Variants in GRIK2 observed in about 807,000 individuals in gnomAD.
GRIK2 encodes glutamate receptor ionotropic, kainate 2.
Under a neutral mutation model 100.3 loss-of-function variants are expected in GRIK2, and 32 were observed. That is an observed-to-expected ratio of 0.32 (90% confidence interval 0.24 to 0.43). The LOEUF is 0.43. Ranked by LOEUF, GRIK2 falls within the 20% of genes least tolerant of loss-of-function variation. The pLI is 1.00. For synonymous variants in GRIK2, 417 were observed against 389.4 expected, an observed-to-expected ratio of 1.07 and a Z score of -0.83; for missense variants, 843 against 1,114.9, an observed-to-expected ratio of 0.76 and a Z score of 3.47.
At chr6:101,522,540 G>T (rs914301578) in intron 2 of GRIK2, among the ~76,000 whole-genome samples, 2 of 152,014 alleles carry the variant, frequency 1.3e-5, no homozygotes, top group African/African-American at 4.8e-5. Context: ...TAGCTGCACA[G>T]AGAAAGACAG....
intron 9 of GRIK2, among the ~76,000 whole-genome samples, chr6:101,807,553 G>A (rs1390731871): frequency 2.6e-5 from 4 of 152,070 alleles, no homozygotes; most frequent in Admixed American, 2.6e-4. Flanking sequence ...AAGCAGGGGA[G>A]TGGAAAAGTT....
chr6:101,611,958 T>C (rs1779696239), intron 2 of GRIK2, among the ~76,000 whole-genome samples: 1 of 151,884 alleles, frequency 6.6e-6, no homozygotes, highest in African/African-American at 2.4e-5. Flanking sequence ...TTAGAATTTG[T>C]TCAAAGAAAC....
At chr6:101,960,582 C>A (rs961100704) in intron 14 of GRIK2, among the ~76,000 whole-genome samples, 1 of 151,884 alleles carries the variant, frequency 6.6e-6, no homozygotes, top group African/African-American at 2.4e-5. Flanking sequence ...CTTTCAGGGG[C>A]CAAGCCTCTG....
intron 14 of GRIK2, among the ~76,000 whole-genome samples, chr6:101,991,572 G>A (rs1297305492): frequency 6.6e-6 from 1 of 150,828 alleles, no homozygotes; most frequent in African/African-American, 2.4e-5. Flanking sequence ...ATGTACCAAT[G>A]GAAAATTCTT....
chr6:101,734,542 G>A (rs1340387315), intron 7 of GRIK2, among the ~76,000 whole-genome samples: 1 of 152,110 alleles, frequency 6.6e-6, no homozygotes. Context: ...CATACCCACA[G>A]ACACACCAAG....
intron 7 of GRIK2, among the ~76,000 whole-genome samples, chr6:101,712,686 T>C (rs1456909899): frequency 6.6e-6 from 1 of 151,834 alleles, no homozygotes; most frequent in Non-Finnish European, 1.5e-5. Context: ...GCTGAATTTC[T>C]ACTTTTATCA....
At chr6:101,548,340 C>T (rs911955639) in intron 2 of GRIK2, among the ~76,000 whole-genome samples, 1 of 152,160 alleles carries the variant, frequency 6.6e-6, no homozygotes. Context: ...TCCCATTTGT[C>T]AATTTTGGCT....
At chr6:101,556,119 C>A (rs1776723552) in intron 2 of GRIK2, among the ~76,000 whole-genome samples, 1 of 151,588 alleles carries the variant, frequency 6.6e-6, no homozygotes, top group Admixed American at 6.6e-5. Flanking sequence ...TTGCAAATAT[C>A]TTTATATCTC....
chr6:101,937,361 G>T (rs1452122838), intron 14 of GRIK2, among the ~76,000 whole-genome samples: 1 of 152,076 alleles, frequency 6.6e-6, no homozygotes, highest in East Asian at 1.9e-4. Context: ...TAGGAGAGAG[G>T]GCCCCACAGG....
intron 5 of GRIK2, among the ~76,000 whole-genome samples, chr6:101,681,517 G>A (rs1206942911): frequency 2.0e-5 from 3 of 150,642 alleles, no homozygotes; most frequent in African/African-American, 4.9e-5. Flanking sequence ...TTACAGGTGT[G>A]AGACACTGCA....
chr6:101,957,183 C>A (rs1562510319), intron 14 of GRIK2, among the ~76,000 whole-genome samples: 2 of 151,810 alleles, frequency 1.3e-5, no homozygotes, highest in East Asian at 3.9e-4. Flanking sequence ...TTAATAATAG[C>A]CATTCTGTCT....
chr6:101,883,289 A>AAATAATAATAATAATAAT (rs143808702), intron 11 of GRIK2, among the ~76,000 whole-genome samples: 25 of 144,302 alleles, frequency 1.7e-4, no homozygotes, highest in African/African-American at 5.1e-4. Flanking sequence ...TCTCTTTGGC[A>AAATAATAATAATAATAAT]AATAATAATA....
At chr6:101,581,920 C>T (rs1778117619) in intron 2 of GRIK2, among the ~76,000 whole-genome samples, 5 of 152,000 alleles carry the variant, frequency 3.3e-5, no homozygotes, top group Admixed American at 3.3e-4. Flanking sequence ...TGCCTCACAA[C>T]CCAAATCTCA....
intron 7 of GRIK2, among the ~76,000 whole-genome samples, chr6:101,762,357 A>AT (rs1026344915): frequency 7.7e-4 from 116 of 151,358 alleles, no homozygotes; most frequent in African/African-American, 2.6e-3. Flanking sequence ...TTATTTTATT[A>AT]TTTTTTTTAA....
At chr6:101,892,935 A>T (rs1433643728) in intron 12 of GRIK2, among the ~76,000 whole-genome samples, 1 of 148,366 alleles carries the variant, frequency 6.7e-6, no homozygotes, top group Non-Finnish European at 1.5e-5. Flanking sequence ...TAAATTCTGA[A>T]CATCCAAAAA....
In GRIK2 at chr6:101,845,002, T is replaced by TTTGTTGTTGTTG. The variant is rs141350986; in HGVS notation, c.1318-14268_1318-14257dup. Among the ~76,000 whole-genome samples, 4 of 150,880 alleles carry TTTGTTGTTGTTG rather than the reference T, an allele frequency of 2.7e-5. No homozygotes were observed. In the South Asian group the frequency reaches 6.3e-4, roughly 24 times the overall value. ...TCATTTATTCTGCGTTCATTGTTTG[T>TTTGTTGTTGTTG]TTGTTGTTGTTGTTGTTGTTGTTGT... On this transcript the variant is annotated intron_variant, in intron 10 of 16. Transcript: ENST00000369134.
chr6:101,550,905 C>T lies in GRIK2; in HGVS notation c.116-71044C>T, dbSNP rs114996007. Among the ~76,000 whole-genome samples, 1,039 of 152,206 alleles carry T rather than the reference C, an allele frequency of 6.8e-3. 16 individuals carry two copies. The highest frequency in any genetic ancestry group is 0.024 in the African/African-American group (992 of 41,528). Reference sequence around the variant, plus strand: ...TACTTCTTCACCTATAAAATGAAAGCATTACTAAATAATTTGGAAGCCATT... The same window carrying T: ...TACTTCTTCACCTATAAAATGAAAGTATTACTAAATAATTTGGAAGCCATT... On this transcript the variant is annotated intron_variant, in intron 2 of 16. Transcript: ENST00000369134.
At chr6:101,648,116 A>T (rs1391815291) in intron 4 of GRIK2, among the ~76,000 whole-genome samples, 1 of 152,062 alleles carries the variant, frequency 6.6e-6, no homozygotes, top group Non-Finnish European at 1.5e-5. Context: ...GTATATTTCT[A>T]ATCATTATTT....
At chr6:101,931,473 C>T (rs1790281806) in intron 14 of GRIK2, among the ~76,000 whole-genome samples, 1 of 152,086 alleles carries the variant, frequency 6.6e-6, no homozygotes, top group Admixed American at 6.5e-5. Context: ...AGTTTTGTTA[C>T]TACTAGCAAG....
Sources: allele counts gnomAD v4.1 joint callset (sites outside exome capture counted in the v4.1 genomes callset), GRCh38; gene constraint gnomAD v4.1.1; transcripts MANE v1.5; gene names NCBI Gene and HGNC (gene_info 2026-07-23, HGNC 2026-07-21).